The following THSD4 variants were observed in gnomAD, a reference collection of about 807,000 sequenced individuals.
The protein encoded by THSD4 is thrombospondin type 1 domain containing 4, also known as thrombospondin type-1 domain-containing protein 4.
Under a neutral mutation model 119.0 loss-of-function variants are expected in THSD4, and 69 were observed. The observed-to-expected ratio is 0.58, with a 90% CI of 0.48 to 0.71. THSD4 has a LOEUF of 0.71. Ranked by LOEUF, THSD4 falls within the 30% of genes least tolerant of loss-of-function variation. The probability of loss-of-function intolerance (pLI) is 0.00; values close to 1 mark genes in which losing one functional copy is unlikely to be tolerated. For synonymous variants in THSD4, 524 were observed against 540.4 expected (o/e 0.97, Z 0.42); for missense variants, 1,393 against 1,391.1 (o/e 1.00, Z -0.02).
rs553504894 is a variant in THSD4, at chr15:71,591,474, T to C, written c.1153-69056T>C. 2.6e-5 allele frequency among the ~76,000 whole-genome samples: 4 copies of C among 152,354 alleles called. No individual in the cohort carries two copies. The South Asian group carries it at 8.3e-4, about 32-fold the overall frequency. On this transcript the variant is annotated intron_variant, in intron 7 of 17. Transcript: ENST00000261862. The stretch of plus-strand genomic sequence containing the variant: ...AGCAAGAGCATTGCTATACCGATCC[T>C]CTTGGCTGACTCCCATCTGCAAGGT...
chr15:71,738,054 A>G, intron 11 of THSD4, 47 bp downstream of exon 11: 4 of 1,604,996 alleles, frequency 2.5e-6, no homozygotes, highest in Non-Finnish European at 3.4e-6. Flanking sequence ...ACCCTAAGCA[A>G]GGAGTGTGTG....
At chr15:71,655,331 C>T (rs1265303035) in intron 7 of THSD4, among the ~76,000 whole-genome samples, 5 of 151,988 alleles carry the variant, frequency 3.3e-5, no homozygotes, top group Non-Finnish European at 7.4e-5. Context: ...GAACCTTGGC[C>T]GATTTTGTTT....
intron 7 of THSD4, among the ~76,000 whole-genome samples, chr15:71,505,790 C>A (rs1259106634): frequency 6.6e-6 from 1 of 152,134 alleles, no homozygotes; most frequent in Non-Finnish European, 1.5e-5. Context: ...AAGCTCTTGG[C>A]GATACCCATG....
intron 1 of THSD4, among the ~76,000 whole-genome samples, chr15:71,136,287 C>T (rs566612277): frequency 6.6e-6 from 1 of 152,216 alleles, no homozygotes; most frequent in African/African-American, 2.4e-5. Flanking sequence ...CTTTTATCCA[C>T]CACCACCTAG....
intron 1 of THSD4, among the ~76,000 whole-genome samples, chr15:71,131,209 G>T (rs1168356723): frequency 6.6e-6 from 1 of 152,146 alleles, no homozygotes; most frequent in African/African-American, 2.4e-5. Flanking sequence ...CAGTTTTTGT[G>T]TGTGTAGGTT....
chr15:71,156,781 A>G (rs1301372640), intron 3 of THSD4, among the ~76,000 whole-genome samples: 1 of 152,200 alleles, frequency 6.6e-6, no homozygotes, highest in Non-Finnish European at 1.5e-5. Flanking sequence ...ACTCCGTGAA[A>G]GTAGGAACTT....
chr15:71,675,451 G>A (rs1330478222), intron 8 of THSD4, among the ~76,000 whole-genome samples: 3 of 152,152 alleles, frequency 2.0e-5, no homozygotes, highest in Non-Finnish European at 4.4e-5. Context: ...AGTCTTCTCT[G>A]GAGTACACAC....
At chr15:71,616,091 A>G (rs905229249) in intron 7 of THSD4, among the ~76,000 whole-genome samples, 1 of 152,198 alleles carries the variant, frequency 6.6e-6, no homozygotes, top group Admixed American at 6.5e-5. Flanking sequence ...AGATGGACAA[A>G]TGTCCATGTT....
In THSD4 at chr15:71,122,438, A is replaced by G. The variant is rs560083598; in HGVS notation, c.-80+6740A>G. On this transcript the variant is annotated intron_variant, in intron 1 of 17. Transcript: ENST00000261862. ...ACTGGCGGTGGGGCCGGAGGGAGGA[A>G]CTCTCAGGCCAGTTAGTGAGTATCT... is the stretch of plus-strand genomic sequence containing the variant. Among the ~76,000 whole-genome samples the G allele has an allele frequency of 6.6e-5, 10 of 152,032 alleles. No homozygotes were observed. In the South Asian group the frequency reaches 2.1e-3, roughly 32 times the overall value.
chr15:71,266,609 G>A (rs1039935550), intron 6 of THSD4, among the ~76,000 whole-genome samples: 2 of 151,882 alleles, frequency 1.3e-5, no homozygotes, highest in Non-Finnish European at 2.9e-5. Context: ...CAGAGAATGA[G>A]TTTGATGAAT....
intron 7 of THSD4, among the ~76,000 whole-genome samples, chr15:71,491,267 T>C (rs2140699453): frequency 6.6e-6 from 1 of 152,342 alleles, no homozygotes; most frequent in Non-Finnish European, 1.5e-5. Context: ...TCTGCTATGG[T>C]TTGAGTGTTG....
chr15:71,269,774 G>A (rs147036078), intron 6 of THSD4, among the ~76,000 whole-genome samples: 2 of 152,050 alleles, frequency 1.3e-5, no homozygotes, highest in Non-Finnish European at 2.9e-5. Flanking sequence ...AAATCAATGT[G>A]CAAAAATCAC....
At chr15:71,433,456 G>GT (rs557632746) in intron 7 of THSD4, among the ~76,000 whole-genome samples, 11,880 of 133,790 alleles carry the variant, frequency 0.089, 605 homozygotes, top group Admixed American at 0.19. Flanking sequence ...TTTTTTCTTT[G>GT]TTTTTTTTTT....
intron 7 of THSD4, among the ~76,000 whole-genome samples, chr15:71,430,759 GAAAAAAAA>G (rs397719477): frequency 2.4e-5 from 2 of 82,958 alleles, no homozygotes; most frequent in South Asian, 5.2e-4. Flanking sequence ...TCTGTCTCAA[GAAAAAAAA>G]AAAAAAAAAA....
At chr15:71,476,782 AG>A (rs1251548129) in intron 7 of THSD4, among the ~76,000 whole-genome samples, 2 of 152,212 alleles carry the variant, frequency 1.3e-5, no homozygotes, top group African/African-American at 4.8e-5. Flanking sequence ...AGTGCAGCCC[AG>A]GTCTCTCTCC....
At chr15:71,746,763 G>A (rs541035444) in intron 12 of THSD4, 75 bp from the exon 13 acceptor site, 20 of 1,451,490 alleles carry the variant, frequency 1.4e-5, no homozygotes, top group South Asian at 3.4e-5. Flanking sequence ...TTCTGTGTAC[G>A]CTGCTGCGGG....
At chr15:71,468,781 C>A (rs1311101802) in intron 7 of THSD4, among the ~76,000 whole-genome samples, 1 of 152,204 alleles carries the variant, frequency 6.6e-6, no homozygotes, top group African/African-American at 2.4e-5. Context: ...ATTATCTCAT[C>A]ATCTAAAGTG....
chr15:71,777,139 A>G (rs1424294869), intron 17 of THSD4, 93 bp from the exon 18 acceptor site: 32 of 1,439,528 alleles, frequency 2.2e-5, no homozygotes, highest in Non-Finnish European at 2.8e-5. Flanking sequence ...GCAGCGCAGG[A>G]GTTAAAGCCA....
chr15:71,422,599 C>T (rs1016141626), intron 7 of THSD4, among the ~76,000 whole-genome samples: 1 of 152,176 alleles, frequency 6.6e-6, no homozygotes, highest in Non-Finnish European at 1.5e-5. Context: ...CATGAGCACC[C>T]CTGTGGCCAC....
Sources: allele counts gnomAD v4.1 joint callset (sites outside exome capture counted in the v4.1 genomes callset), GRCh38; gene constraint gnomAD v4.1.1; transcripts MANE v1.5; gene names NCBI Gene and HGNC (gene_info 2026-07-23, HGNC 2026-07-21).